Variants in LEPR observed in about 807,000 individuals in gnomAD.
LEPR encodes leptin receptor.
A neutral mutation model predicts 114.7 loss-of-function variants in LEPR; 56 were observed. The observed-to-expected ratio is 0.49, with a 90% CI of 0.39 to 0.61. The LOEUF (loss-of-function observed/expected upper bound fraction) is 0.61, where lower values mean the gene tolerates loss of function less well. LEPR is among the 20% of genes least tolerant of loss of function. LEPR has a pLI of 0.00. For synonymous variants in LEPR, 443 were observed against 461.4 expected, an observed-to-expected ratio of 0.96 and a Z score of 0.51; for missense variants, 1,202 against 1,352.9, an observed-to-expected ratio of 0.89 and a Z score of 1.75.
chr1:65,621,527 C>A, intron 18 of LEPR, 69 bp downstream of exon 18: 2 of 1,295,132 alleles, frequency 1.5e-6, no homozygotes, highest in Non-Finnish European at 2.2e-6. Flanking sequence ...TGATTTAAAA[C>A]CTTCTAAATT....
chr1:65,460,474 G>A (rs1646931087), intron 2 of LEPR, among the ~76,000 whole-genome samples: 1 of 152,096 alleles, frequency 6.6e-6, no homozygotes, highest in African/African-American at 2.4e-5. Context: ...TCTCTACTGT[G>A]TGTGCATAGA....
At chr1:65,462,612 A>C (rs1646960051) in intron 2 of LEPR, among the ~76,000 whole-genome samples, 1 of 152,342 alleles carries the variant, frequency 6.6e-6, no homozygotes, top group South Asian at 2.1e-4. Context: ...TTACACTCCC[A>C]CCAACAGTGT....
intron 2 of LEPR, among the ~76,000 whole-genome samples, chr1:65,534,735 GT>G (rs1650639444): frequency 6.6e-6 from 1 of 152,150 alleles, no homozygotes. Flanking sequence ...TGTCTATAAA[GT>G]TTGTGGGGAC....
intron 2 of LEPR, among the ~76,000 whole-genome samples, chr1:65,490,561 A>G (rs940925548): frequency 1.3e-5 from 2 of 152,164 alleles, no homozygotes; most frequent in African/African-American, 4.8e-5. Flanking sequence ...TTCCCCGTTC[A>G]ATCCTAGTGG....
intron 2 of LEPR, among the ~76,000 whole-genome samples, chr1:65,475,474 T>A (rs1171453675): frequency 1.3e-5 from 2 of 152,224 alleles, no homozygotes; most frequent in Admixed American, 6.5e-5. Context: ...CTCATCCTTA[T>A]GGTGGTATCC....
At chr1:65,529,865 C>T (rs1448362035) in intron 2 of LEPR, among the ~76,000 whole-genome samples, 1 of 152,170 alleles carries the variant, frequency 6.6e-6, no homozygotes, top group Non-Finnish European at 1.5e-5. Flanking sequence ...CTGCTCCTTT[C>T]TGTCTCCTGT....
intron 18 of LEPR, 73 bp downstream of exon 18, chr1:65,621,531 C>G: frequency 8.0e-7 from 1 of 1,256,220 alleles, no homozygotes; most frequent in Non-Finnish European, 1.2e-6. Context: ...TTAAAACCTT[C>G]TAAATTAGGA....
intron 2 of LEPR, among the ~76,000 whole-genome samples, chr1:65,497,137 T>A (rs1475690277): frequency 1.3e-5 from 2 of 152,148 alleles, no homozygotes; most frequent in Non-Finnish European, 2.9e-5. Flanking sequence ...AATTTGAATT[T>A]TTTTTAGAAA....
At chr1:65,457,440 C>T (rs1646891690) in intron 2 of LEPR, among the ~76,000 whole-genome samples, 1 of 152,016 alleles carries the variant, frequency 6.6e-6, no homozygotes, top group African/African-American at 2.4e-5. Context: ...TGATAGATCC[C>T]CAGTCTCAGA....
At chr1:65,450,873 A>G (rs1338294198) in intron 2 of LEPR, among the ~76,000 whole-genome samples, 4 of 151,706 alleles carry the variant, frequency 2.6e-5, no homozygotes, top group African/African-American at 9.7e-5. Context: ...CAATGGTTGA[A>G]CTAGTTTACA....
intron 2 of LEPR, among the ~76,000 whole-genome samples, chr1:65,545,212 G>C (rs1428014308): frequency 6.8e-6 from 1 of 147,360 alleles, no homozygotes; most frequent in East Asian, 2.0e-4. Context: ...ATCATTGTTG[G>C]ACATTTGGGT....
intron 2 of LEPR, among the ~76,000 whole-genome samples, chr1:65,449,463 G>C (rs1646754092): frequency 6.6e-6 from 1 of 152,010 alleles, no homozygotes; most frequent in Non-Finnish European, 1.5e-5. Flanking sequence ...CGCAGGAAGG[G>C]TAGGCTGGGA....
At chr1:65,622,862 T>C (rs776897314) in intron 18 of LEPR, 44 bp from the exon 19 acceptor site, 1 of 1,601,314 alleles carries the variant, frequency 6.2e-7, no homozygotes, top group East Asian at 2.2e-5. Flanking sequence ...ATTTTCAATA[T>C]GGATGTTTTT....
intron 2 of LEPR, among the ~76,000 whole-genome samples, chr1:65,539,155 A>T (rs1208838999): frequency 6.6e-6 from 1 of 151,240 alleles, no homozygotes; most frequent in Non-Finnish European, 1.5e-5. Context: ...TGTAATTTTC[A>T]AAAGCTCTTT....
chr1:65,592,928 AT>A, intron 6 of LEPR, 63 bp downstream of exon 6: 1 of 1,565,504 alleles, frequency 6.4e-7, no homozygotes, highest in South Asian at 1.1e-5. Flanking sequence ...AAGGTTAAAA[AT>A]TGCTTACAAA....
intron 2 of LEPR, among the ~76,000 whole-genome samples, chr1:65,470,248 C>A (rs1647066860): frequency 6.6e-6 from 1 of 152,206 alleles, no homozygotes; most frequent in African/African-American, 2.4e-5. Flanking sequence ...ACTACTCCTA[C>A]CTCACCACCA....
At chr1:65,507,310 C>T (rs1401118216) in intron 2 of LEPR, among the ~76,000 whole-genome samples, 1 of 152,024 alleles carries the variant, frequency 6.6e-6, no homozygotes, top group Non-Finnish European at 1.5e-5. Context: ...CTCAGCCTCC[C>T]AAAGTGCTGG....
chr1:65,477,669 C>T (rs955490501), intron 2 of LEPR, among the ~76,000 whole-genome samples: 3 of 152,218 alleles, frequency 2.0e-5, no homozygotes, highest in African/African-American at 7.2e-5. Context: ...GAAGAGGCCA[C>T]CTGCCCTCAA....
chr1:65,471,639 G>C (rs1192899648), intron 2 of LEPR, among the ~76,000 whole-genome samples: 1 of 152,144 alleles, frequency 6.6e-6, no homozygotes, highest in Non-Finnish European at 1.5e-5. Context: ...GACAAACAGA[G>C]AATCATGTTT....
Sources: gnomAD v4.1 joint callset for allele counts (sites outside exome capture counted in the v4.1 genomes callset) on GRCh38, gnomAD v4.1.1 for gene constraint, MANE v1.5 for transcripts, NCBI Gene and HGNC (gene_info 2026-07-23, HGNC 2026-07-21) for gene names.